CENPP: variants seen among roughly 807,000 people sequenced by gnomAD.
CENPP encodes the protein centromere protein P.
Under a neutral mutation model 35.6 loss-of-function variants are expected in CENPP, and 24 were observed. The observed-to-expected ratio is 0.67, with a 90% CI of 0.49 to 0.95. The LOEUF is 0.95. Ranked by LOEUF, CENPP falls within the 40% of genes least tolerant of loss-of-function variation. The pLI, the probability that CENPP is intolerant of heterozygous loss-of-function variation, is 0.00. For synonymous variants in CENPP, 120 were observed against 125.5 expected (o/e 0.96, Z 0.29); for missense variants, 332 against 345.3 (o/e 0.96, Z 0.31).
At chr9:92,390,563 A>AGTGTGTGTGT (rs61628295) in intron 5 of CENPP, among the ~76,000 whole-genome samples, 80 of 150,546 alleles carry the variant, frequency 5.3e-4, no homozygotes, top group African/African-American at 1.8e-3. Context: ...AGAGAAATTC[A>AGTGTGTGTGT]GTGTGTGTGT....
At chr9:92,502,413 C>T in intron 5 of CENPP, 1 of 1,424,840 alleles carries the variant, frequency 7.0e-7, no homozygotes, top group Non-Finnish European at 9.7e-7. Flanking sequence ...TCAGTATCGT[C>T]ACCTCCCTCA....
At chr9:92,550,952 A>G (rs1041288399) in intron 5 of CENPP, among the ~76,000 whole-genome samples, 8 of 152,204 alleles carry the variant, frequency 5.3e-5, no homozygotes, top group African/African-American at 1.2e-4. Flanking sequence ...ATGAGCAGCT[A>G]CCCTCTGGCC....
chr9:92,502,184 T>C (rs1045220887), intron 5 of CENPP, among the ~76,000 whole-genome samples: 1 of 152,176 alleles, frequency 6.6e-6, no homozygotes, highest in Non-Finnish European at 1.5e-5. Context: ...TGACCACTAG[T>C]GGGCAGACCT....
At chr9:92,342,720 A>C (rs188156503) in intron 3 of CENPP, among the ~76,000 whole-genome samples, 364 of 152,350 alleles carry the variant, frequency 2.4e-3, no homozygotes, top group Non-Finnish European at 4.1e-3. Flanking sequence ...AAAACAAAGG[A>C]CTATCTCGTT....
intron 5 of CENPP, chr9:92,403,524 C>T (rs1394019726): frequency 9.1e-6 from 13 of 1,426,240 alleles, no homozygotes; most frequent in Non-Finnish European, 1.1e-5. Flanking sequence ...TATTTAAAAG[C>T]TTAGAGGATG....
chr9:92,326,674 T>G (rs1299260208), intron 1 of CENPP, among the ~76,000 whole-genome samples: 1 of 152,188 alleles, frequency 6.6e-6, no homozygotes, highest in East Asian at 1.9e-4. Context: ...TTGTCCAAGG[T>G]TCCAGAGAAA....
At chr9:92,578,470 T>G (rs1850339742) in intron 5 of CENPP, among the ~76,000 whole-genome samples, 1 of 152,016 alleles carries the variant, frequency 6.6e-6, no homozygotes, top group South Asian at 2.1e-4. Context: ...TGTTGTTTCC[T>G]GACTTTTTAA....
chr9:92,389,489 G>T (rs1009719306), intron 5 of CENPP, among the ~76,000 whole-genome samples: 29 of 151,914 alleles, frequency 1.9e-4, no homozygotes, highest in African/African-American at 7.0e-4. Context: ...TTTATAATTT[G>T]CTAACATTGT....
chr9:92,604,874 A>G (rs1851031105), intron 5 of CENPP, among the ~76,000 whole-genome samples: 1 of 152,076 alleles, frequency 6.6e-6, no homozygotes, highest in Non-Finnish European at 1.5e-5. Context: ...GATTACAAGC[A>G]TGAGCCACCA....
intron 5 of CENPP, chr9:92,390,045 T>G (rs1327903450): frequency 8.2e-6 from 13 of 1,587,820 alleles, no homozygotes; most frequent in Non-Finnish European, 1.0e-5. Flanking sequence ...AAATCGAGTC[T>G]TCTTAAGTTA....
intron 5 of CENPP, among the ~76,000 whole-genome samples, chr9:92,535,630 G>A (rs1454606381): frequency 6.6e-6 from 1 of 151,744 alleles, no homozygotes; most frequent in East Asian, 1.9e-4. Flanking sequence ...AAAATATTTT[G>A]AATTATTTAT....
chr9:92,585,512 A>G (rs79485712), intron 5 of CENPP, among the ~76,000 whole-genome samples: 51 of 152,288 alleles, frequency 3.3e-4, no homozygotes, highest in African/African-American at 1.2e-3. Flanking sequence ...TTCATTTCTC[A>G]TCGTTAGATT....
intron 4 of CENPP, among the ~76,000 whole-genome samples, chr9:92,371,519 G>A (rs1367978804): frequency 6.6e-6 from 1 of 152,090 alleles, no homozygotes; most frequent in African/African-American, 2.4e-5. Flanking sequence ...GACTTGTTTT[G>A]TGTCCTAACA....
At chr9:92,579,970 C>T (rs867105267) in intron 5 of CENPP, among the ~76,000 whole-genome samples, 16 of 147,082 alleles carry the variant, frequency 1.1e-4, no homozygotes, top group Non-Finnish European at 1.5e-4. Context: ...TTTTGAGATA[C>T]GTCCCATCAA....
rs1044238242 is a variant in CENPP, at chr9:92,613,992, C to T, written c.*843C>T. Reference sequence around the variant, plus strand: ...GAAACGCATCCACAGCAGTGGCACCCGCGGCTCAGGGGCTCCTCACAGCCC... The same window carrying T: ...GAAACGCATCCACAGCAGTGGCACCTGCGGCTCAGGGGCTCCTCACAGCCC... On this transcript the variant is annotated 3_prime_UTR_variant, in exon 8 of 8. Transcript: ENST00000375587. 2.0e-5 allele frequency: 3 copies of T among 152,260 alleles called. No individual in the cohort carries two copies. The highest frequency in any genetic ancestry group is 2.9e-5 in the Non-Finnish European group (2 of 68,094). The allele number at this position is 152,260 out of a possible 1,614,324, so 9.4% of individuals were successfully genotyped here.
chr9:92,526,006 A>G (rs745929846), intron 5 of CENPP, among the ~76,000 whole-genome samples: 6 of 151,590 alleles, frequency 4.0e-5, no homozygotes, highest in Non-Finnish European at 7.4e-5. Flanking sequence ...ACTTTTTATC[A>G]TTGTTTTAGA....
chr9:92,371,983 A>G (rs1842016704), intron 4 of CENPP, among the ~76,000 whole-genome samples: 1 of 133,854 alleles, frequency 7.5e-6, no homozygotes, highest in Admixed American at 7.9e-5. Flanking sequence ...CTCCTGCCTC[A>G]GCTTCCCGAG....
chr9:92,386,888 A>G (rs548624598), intron 5 of CENPP, among the ~76,000 whole-genome samples: 9 of 151,742 alleles, frequency 5.9e-5, no homozygotes, highest in Non-Finnish European at 1.2e-4. Flanking sequence ...GGCCTAAAAA[A>G]ATACAAAAAA....
intron 4 of CENPP, among the ~76,000 whole-genome samples, chr9:92,359,010 C>T (rs1366977759): frequency 7.0e-6 from 1 of 142,582 alleles, no homozygotes; most frequent in African/African-American, 2.7e-5. Flanking sequence ...AGTGTAATGG[C>T]ATGATCTGGG....
Sources: allele counts gnomAD v4.1 joint callset (sites outside exome capture counted in the v4.1 genomes callset), GRCh38; gene constraint gnomAD v4.1.1; transcripts MANE v1.5; gene names NCBI Gene and HGNC (gene_info 2026-07-23, HGNC 2026-07-21).